Variants in TRAK2 observed in about 807,000 individuals in gnomAD.
TRAK2 encodes trafficking kinesin protein 2.
A neutral mutation model predicts 104.6 loss-of-function variants in TRAK2; 81 were observed. The observed-to-expected ratio is 0.77, with a 90% CI of 0.65 to 0.93. The LOEUF is 0.93. Among genes scored for constraint, TRAK2 ranks in the 40% least tolerant of loss-of-function variants. The pLI, the probability that TRAK2 is intolerant of heterozygous loss-of-function variation, is 0.00. For missense variants in TRAK2, 1,002 were observed against 1,089.0 expected (o/e 0.92, Z 1.12); for synonymous variants, 406 against 394.4 (o/e 1.03, Z -0.35).
At position 201,406,544 on chromosome 2, in the gene TRAK2, G is replaced by T. The variant is rs1951596461; in HGVS notation, c.286+859C>A. ...CTATGAAAATGAGTATTGCACAATA[G>T]TCCTTCTCCAACGACAATCTGGCAT... On this transcript the variant is annotated intron_variant, in intron 3 of 15. Transcript: ENST00000332624. 2.0e-5 allele frequency among the ~76,000 whole-genome samples: 3 copies of T among 152,200 alleles called. No homozygotes were observed. The South Asian group carries it at 6.2e-4, about 32-fold the overall frequency.
At chr2:201,395,534 A>G in intron 7 of TRAK2, 90 bp from the exon 8 acceptor site, 1 of 1,308,684 alleles carries the variant, frequency 7.6e-7, no homozygotes, top group Non-Finnish European at 1.0e-6. Flanking sequence ...TTGTTTTATA[A>G]CAAGCACTGG....
At chr2:201,445,124 C>G (rs138992536) in intron 1 of TRAK2, among the ~76,000 whole-genome samples, 1 of 152,104 alleles carries the variant, frequency 6.6e-6, no homozygotes, top group Non-Finnish European at 1.5e-5. Flanking sequence ...AGACTTTGTA[C>G]GCTCATTTTC....
intron 2 of TRAK2, 48 bp downstream of exon 2, chr2:201,420,369 T>C (rs776838279): frequency 2.6e-5 from 40 of 1,521,448 alleles, no homozygotes; most frequent in Non-Finnish European, 3.5e-5. Context: ...GCATTTGCAT[T>C]TTCTCCTATA....
chr2:201,395,661 C>T (rs773153534), intron 7 of TRAK2, among the ~76,000 whole-genome samples: 1 of 152,020 alleles, frequency 6.6e-6, no homozygotes, highest in Non-Finnish European at 1.5e-5. Flanking sequence ...GACAATGAAG[C>T]TAAAAAGAGA....
intron 4 of TRAK2, 104 bp downstream of exon 4, chr2:201,400,914 C>A: frequency 2.5e-6 from 2 of 801,096 alleles, no homozygotes; most frequent in South Asian, 1.8e-5. Flanking sequence ...ACAAAATAAC[C>A]CAGAGCACGT....
rs149006573 is a variant in TRAK2, at chr2:201,428,317, A to C, written c.-199-7611T>G. Among the ~76,000 whole-genome samples the C allele has an allele frequency of 3.9e-3, 593 of 152,304 alleles. 4 individuals are homozygous for C. Among genetic ancestry groups the C allele is most frequent in the African/African-American group, 0.013 (545 of 41,564 alleles). ...ATGGTTTTAGGTCTAACATTTAAGT[A>C]TTTAATCCATCTTGAATTAATTTTT... On this transcript the variant is annotated intron_variant, in intron 1 of 15. Coordinates refer to ENST00000332624, the MANE Select transcript of TRAK2 (RefSeq NM_015049.3).
At position 201,378,770 on chromosome 2, in the gene TRAK2, T is replaced by G. The variant is rs990717767; in HGVS notation, c.*1773A>C. On this transcript the variant is annotated 3_prime_UTR_variant, in exon 16 of 16. Transcript: ENST00000332624. ...AGACCATCTTCACCCTTTGTTTTTG[T>G]GGAATTTATTTAGAAAAATTTTATT... The G allele has an allele frequency of 6.6e-6, 1 of 152,178 alleles. No homozygotes were observed. Among genetic ancestry groups the G allele is most frequent in the African/African-American group, 2.4e-5 (1 of 41,446 alleles). 9.4% of individuals were successfully genotyped at this position (152,178 alleles called of 1,614,324 possible). A position where few individuals can be genotyped will look rare whatever the true frequency, so the allele number is the denominator to read the frequency against.
chr2:201,439,740 AATAC>A (rs1951904769), intron 1 of TRAK2, among the ~76,000 whole-genome samples: 1 of 151,696 alleles, frequency 6.6e-6, no homozygotes, highest in Non-Finnish European at 1.5e-5. Flanking sequence ...TACACCATGG[AATAC>A]TATGCAGCCA....
At chr2:201,414,032 G>C (rs13384344) in intron 2 of TRAK2, among the ~76,000 whole-genome samples, 1,763 of 152,156 alleles carry the variant, frequency 0.012, 52 homozygotes, top group African/African-American at 0.04. Flanking sequence ...GTAAAATAAA[G>C]ATCATTTATC....
chr2:201,415,591 C>T (rs992019066), intron 2 of TRAK2, among the ~76,000 whole-genome samples: 1 of 151,860 alleles, frequency 6.6e-6, no homozygotes, highest in Non-Finnish European at 1.5e-5. Flanking sequence ...AAATGAAAGA[C>T]TCACTAGATA....
At chr2:201,414,716 G>A (rs1274371554) in intron 2 of TRAK2, among the ~76,000 whole-genome samples, 1 of 152,054 alleles carries the variant, frequency 6.6e-6, no homozygotes, top group Non-Finnish European at 1.5e-5. Context: ...CAAGTTCCAT[G>A]TGATTATCCA....
intron 10 of TRAK2, among the ~76,000 whole-genome samples, chr2:201,390,397 A>C (rs1951435215): frequency 1.1e-5 from 1 of 89,344 alleles, no homozygotes; most frequent in Admixed American, 1.1e-4. Context: ...ACAAAAAAAT[A>C]CAAAAAAAAA....
intron 1 of TRAK2, among the ~76,000 whole-genome samples, chr2:201,439,284 G>A (rs1207679927): frequency 6.6e-6 from 1 of 152,184 alleles, no homozygotes; most frequent in Non-Finnish European, 1.5e-5. Context: ...AGGTGTACGT[G>A]CAGGGCTATA....
Position 201,412,036 on chromosome 2 carries a change from G to A in TRAK2, c.92-4439C>T, listed in dbSNP as rs1174077598. ...TTAGTAGCAAATCCATTTTTTGTAG[G>A]AAAATTAACAAAATCTGGATTGGCT... On this transcript the variant is annotated intron_variant, in intron 2 of 15. Transcript: ENST00000332624. 7 of 1,067,160 alleles carry A rather than the reference G, an allele frequency of 6.6e-6. No individual in the cohort carries two copies. In the African/African-American group the frequency reaches 7.7e-5, roughly 12 times the overall value. 66.1% of individuals were successfully genotyped at this position (1,067,160 alleles called of 1,614,324 possible).
At chr2:201,442,250 G>T (rs1259418866) in intron 1 of TRAK2, among the ~76,000 whole-genome samples, 2 of 151,660 alleles carry the variant, frequency 1.3e-5, no homozygotes. Flanking sequence ...AATTAGCTGG[G>T]CAAGGTGGTG....
chr2:201,410,068 C>T (rs1353544088), intron 2 of TRAK2, among the ~76,000 whole-genome samples: 4 of 152,300 alleles, frequency 2.6e-5, no homozygotes, highest in South Asian at 2.1e-4. Context: ...GAGGCCGAGG[C>T]GGGTGGATCA....
At chr2:201,448,468 A>G (rs1231897147) in intron 1 of TRAK2, among the ~76,000 whole-genome samples, 3 of 152,384 alleles carry the variant, frequency 2.0e-5, no homozygotes, top group South Asian at 2.1e-4. Flanking sequence ...AGAACACTGC[A>G]GATCTGAACA....
At chr2:201,389,138 G>GATCT (rs1951419986) in intron 12 of TRAK2, among the ~76,000 whole-genome samples, 162 bp downstream of exon 12, 1 of 152,198 alleles carries the variant, frequency 6.6e-6, no homozygotes, top group Non-Finnish European at 1.5e-5. Context: ...ACTTTGGCAT[G>GATCT]ATCTGTCTCA....
rs777985429 is a variant in TRAK2 at position 201,394,845 on chromosome 2, G to A, written c.928C>T (p.Leu310Phe). ...GCATCTTTGGAAGCTTGCAGGTGAAGTTTTAGTTCTTCCTTCTCAATCACA... is the reference window on the plus strand; with the variant it reads ...GCATCTTTGGAAGCTTGCAGGTGAAATTTTAGTTCTTCCTTCTCAATCACA... ...EHVIEKEELK[L>F]HLQASKDAQR... Residue 310 changes from leucine to phenylalanine, a missense_variant, in exon 9 of 16, where the codon CTT becomes TTT. Coordinates refer to ENST00000332624, the MANE Select transcript of TRAK2 (RefSeq NM_015049.3). 10 of 1,613,934 alleles carry A rather than the reference G, an allele frequency of 6.2e-6. No homozygotes were observed. Among genetic ancestry groups the A allele is most frequent in the Non-Finnish European group, 3.4e-6 (4 of 1,179,906 alleles).
Sources: gnomAD v4.1 joint callset for allele counts (sites outside exome capture counted in the v4.1 genomes callset) on GRCh38, gnomAD v4.1.1 for gene constraint, MANE v1.5 for transcripts, NCBI Gene and HGNC (gene_info 2026-07-23, HGNC 2026-07-21) for gene names.